The following SNTG1 variants were observed in gnomAD, a reference collection of about 807,000 sequenced individuals.
SNTG1 encodes gamma-1-syntrophin.
SNTG1 carries 39 observed loss-of-function variants against 74.7 expected under a neutral mutation model. The observed-to-expected ratio is 0.52, with a 90% CI of 0.40 to 0.68. The LOEUF (loss-of-function observed/expected upper bound fraction) is 0.68. Among genes scored for constraint, SNTG1 ranks in the 30% least tolerant of loss-of-function variants. The pLI, the probability that SNTG1 is intolerant of heterozygous loss-of-function variation, is 0.00. For missense variants in SNTG1, 685 were observed against 609.5 expected (o/e 1.12, Z -1.30); for synonymous variants, 254 against 217.1 (o/e 1.17, Z -1.49).
At chr8:50,633,793 G>A (rs2095020472) in intron 13 of SNTG1, among the ~76,000 whole-genome samples, 1 of 152,192 alleles carries the variant, frequency 6.6e-6, no homozygotes, top group Non-Finnish European at 1.5e-5. Flanking sequence ...AGGAGTGCCA[G>A]TATTTAATCA....
chr8:50,576,421 T>C (rs913617797), intron 12 of SNTG1, among the ~76,000 whole-genome samples: 2 of 152,316 alleles, frequency 1.3e-5, no homozygotes, highest in African/African-American at 4.8e-5. Flanking sequence ...TATTGTTCTT[T>C]GTTAAGATTG....
intron 8 of SNTG1, among the ~76,000 whole-genome samples, chr8:50,479,427 C>T (rs145109208): frequency 4.7e-4 from 71 of 152,150 alleles, no homozygotes; most frequent in African/African-American, 1.6e-3. Flanking sequence ...TGCTTTCTTT[C>T]CTACAGAATT....
At position 50,569,261 on chromosome 8, in the gene SNTG1, T is replaced by G. The variant is rs1049762650; in HGVS notation, c.810+16082T>G. Among the ~76,000 whole-genome samples the G allele has an allele frequency of 5.9e-5, 9 of 152,112 alleles. 1 individual carries two copies. The highest frequency in any genetic ancestry group is 1.9e-4 in the African/African-American group (8 of 41,428). Reference sequence around the variant, plus strand: ...ATTAATTCTAAAGAAAAAGCACGGATAGCCAGTCCCTCTGTGGGATGAACA... The same window carrying G: ...ATTAATTCTAAAGAAAAAGCACGGAGAGCCAGTCCCTCTGTGGGATGAACA... On this transcript the variant is annotated intron_variant, in intron 12 of 18. Transcript: ENST00000642720.
chr8:50,694,859 T>A (rs1292441220), intron 15 of SNTG1, among the ~76,000 whole-genome samples: 1 of 150,878 alleles, frequency 6.6e-6, no homozygotes, highest in East Asian at 1.9e-4. Context: ...ACACAAAGCA[T>A]TTGACAAAAT....
intron 18 of SNTG1, among the ~76,000 whole-genome samples, chr8:50,754,825 G>T (rs1163956081): frequency 2.0e-5 from 3 of 151,740 alleles, no homozygotes; most frequent in Non-Finnish European, 4.4e-5. Context: ...CACTGCATTT[G>T]CTGCATCCCC....
chr8:49,981,716 T>C (rs1376895741), intron 1 of SNTG1, among the ~76,000 whole-genome samples: 2 of 152,208 alleles, frequency 1.3e-5, no homozygotes, highest in African/African-American at 2.4e-5. Flanking sequence ...TATAATCTTT[T>C]ATGCATTTTT....
In SNTG1 at chr8:50,668,716, G is replaced by A. The variant is rs79996727; in HGVS notation, c.1038+10053G>A. ...CACCCTGTGTCCATGTGTTCTCATA[G>A]TTCAACTTCCATTTGTGAGTGAGAA... On this transcript the variant is annotated intron_variant, in intron 15 of 18. Transcript: ENST00000642720. Among the ~76,000 whole-genome samples, 59 of 151,914 alleles carry A rather than the reference G, an allele frequency of 3.9e-4. 1 individual carries two copies. The highest frequency in any genetic ancestry group is 2.7e-3 in the East Asian group (14 of 5,144).
intron 1 of SNTG1, among the ~76,000 whole-genome samples, chr8:49,945,316 CT>C (rs1809076529): frequency 1.3e-5 from 2 of 152,138 alleles, no homozygotes; most frequent in African/African-American, 4.8e-5. Context: ...CAATGTGGAA[CT>C]TTTGGGAGCA....
chr8:49,976,153 T>C (rs1237862726), intron 1 of SNTG1, among the ~76,000 whole-genome samples: 1 of 152,186 alleles, frequency 6.6e-6, no homozygotes, highest in Non-Finnish European at 1.5e-5. Context: ...CAATCAGTGA[T>C]ACATTTAATT....
chr8:50,113,646 A>G (rs2080695473), intron 1 of SNTG1, among the ~76,000 whole-genome samples: 1 of 152,188 alleles, frequency 6.6e-6, no homozygotes, highest in African/African-American at 2.4e-5. Flanking sequence ...GAGAGAGGGC[A>G]TCCCTGTCTT....
chr8:49,925,958 C>G (rs1806985190), intron 1 of SNTG1, among the ~76,000 whole-genome samples: 1 of 152,116 alleles, frequency 6.6e-6, no homozygotes, highest in African/African-American at 2.4e-5. Flanking sequence ...CACACTTGAT[C>G]ACTTAATAGG....
intron 2 of SNTG1, among the ~76,000 whole-genome samples, chr8:50,225,582 G>A (rs1801945213): frequency 6.6e-6 from 1 of 151,992 alleles, no homozygotes; most frequent in African/African-American, 2.4e-5. Flanking sequence ...CAATCACCTT[G>A]GGCACATGTT....
chr8:50,462,174 G>A (rs956719686), intron 8 of SNTG1, among the ~76,000 whole-genome samples: 2 of 150,950 alleles, frequency 1.3e-5, no homozygotes, highest in African/African-American at 4.8e-5. Context: ...AGATAAAAAA[G>A]AGAATATCAC....
At chr8:50,727,980 C>T (rs1017306036) in intron 17 of SNTG1, among the ~76,000 whole-genome samples, 3 of 152,130 alleles carry the variant, frequency 2.0e-5, no homozygotes, top group Non-Finnish European at 4.4e-5. Flanking sequence ...TTTAGAAGCA[C>T]CAGAAAGCAC....
intron 1 of SNTG1, among the ~76,000 whole-genome samples, chr8:50,102,518 A>G (rs1190216967): frequency 2.1e-5 from 3 of 142,594 alleles, no homozygotes; most frequent in Admixed American, 2.1e-4. Flanking sequence ...TTGCCTGTTC[A>G]CTCTGATGGT....
At chr8:50,682,156 T>A (rs918380547) in intron 15 of SNTG1, among the ~76,000 whole-genome samples, 1 of 152,094 alleles carries the variant, frequency 6.6e-6, no homozygotes, top group Non-Finnish European at 1.5e-5. Context: ...GACTTGCAGA[T>A]GGAGTAAAGG....
At chr8:50,743,029 G>A (rs752774985) in intron 17 of SNTG1, among the ~76,000 whole-genome samples, 2 of 151,484 alleles carry the variant, frequency 1.3e-5, no homozygotes, top group South Asian at 2.1e-4. Context: ...ACAGAGAAGA[G>A]GCCTGGACCA....
At position 50,153,024 on chromosome 8, in the gene SNTG1, C is replaced by T. The variant is rs746440296; in HGVS notation, c.-102-19537C>T. ...TTTTCCAACTTGGTTCTATTCTCCC[C>T]GTCACTTTCAGGTACACCAATCAGA... is the stretch of plus-strand genomic sequence containing the variant. On this transcript the variant is annotated intron_variant, in intron 1 of 18. Transcript: ENST00000642720. Among the ~76,000 whole-genome samples the T allele has an allele frequency of 6.4e-4, 97 of 152,278 alleles. 1 individual carries two copies. Among genetic ancestry groups the T allele is most frequent in the Non-Finnish European group, 1.2e-3 (79 of 68,030 alleles).
At chr8:50,330,629 G>T (rs566047744) in intron 2 of SNTG1, among the ~76,000 whole-genome samples, 1 of 152,200 alleles carries the variant, frequency 6.6e-6, no homozygotes, top group East Asian at 1.9e-4. Flanking sequence ...TGTTTTCACA[G>T]TGCTATAAAG....
Sources: gnomAD v4.1 joint callset for allele counts (sites outside exome capture counted in the v4.1 genomes callset) on GRCh38, gnomAD v4.1.1 for gene constraint, MANE v1.5 for transcripts, NCBI Gene and HGNC (gene_info 2026-07-23, HGNC 2026-07-21) for gene names.